The following TMEM231 variants were observed in gnomAD, a reference collection of about 807,000 sequenced individuals.
The protein encoded by TMEM231 is transmembrane protein 231.
A neutral mutation model predicts 38.5 loss-of-function variants in TMEM231; 40 were observed. That is an observed-to-expected ratio of 1.04 (90% CI 0.81 to 1.35). TMEM231 has a LOEUF of 1.35. Among genes scored for constraint, TMEM231 ranks in the 40% most tolerant of loss-of-function variants. The pLI, the probability that TMEM231 is intolerant of heterozygous loss-of-function variation, is 0.00. For missense variants in TMEM231, 420 were observed against 416.9 expected, an observed-to-expected ratio of 1.01 and a Z score of -0.07; for synonymous variants, 199 against 181.7, an observed-to-expected ratio of 1.10 and a Z score of -0.77.
chr16:75,545,270 A>C, intron 4 of TMEM231, 82 bp downstream of exon 4: 2 of 1,537,152 alleles, frequency 1.3e-6, no homozygotes, highest in Non-Finnish European at 1.8e-6. Context: ...TGACATTTCT[A>C]CTTTTCATTC....
At chr16:75,550,272 A>G (rs2080743119) in intron 2 of TMEM231, among the ~76,000 whole-genome samples, 1 of 152,228 alleles carries the variant, frequency 6.6e-6, no homozygotes, top group African/African-American at 2.4e-5. Context: ...AGCATGCACT[A>G]GAGGGAACCT....
chr16:75,554,266 T>C (rs932399888), intron 2 of TMEM231, among the ~76,000 whole-genome samples: 7 of 152,124 alleles, frequency 4.6e-5, no homozygotes, highest in Admixed American at 3.3e-4. Flanking sequence ...ACCTTGTTCA[T>C]TGAAATATTG....
At chr16:75,543,103 G>A (rs1435895450) in intron 4 of TMEM231, among the ~76,000 whole-genome samples, 4 of 151,940 alleles carry the variant, frequency 2.6e-5, no homozygotes, top group African/African-American at 9.7e-5. Flanking sequence ...CCGTATTTTC[G>A]CCAGGTGTGG....
rs199585745 is a variant in TMEM231, at chr16:75,545,314, G to C, written c.582+38C>G. On this transcript the variant is annotated intron_variant, in intron 4 of 6. Transcript: ENST00000258173. ...AAAGAACTTAATGAACAGTAACACAGAGAAACAAAGGAGCTGGACAATGAG... is the reference window on the plus strand; with the variant it reads ...AAAGAACTTAATGAACAGTAACACACAGAAACAAAGGAGCTGGACAATGAG... 5.8e-4 allele frequency: 918 copies of C among 1,593,182 alleles called. 2 individuals carry two copies. The highest frequency in any genetic ancestry group is 1.7e-3 in the Middle Eastern group (10 of 5,870).
chr16:75,540,046 A>G lies in TMEM231; in HGVS notation c.899T>C (p.Ile300Thr), dbSNP rs2151697600. 2 of 1,613,766 alleles carry G rather than the reference A, an allele frequency of 1.2e-6. No homozygotes were observed. Among genetic ancestry groups the G allele is most frequent in the East Asian group, 2.2e-5 (1 of 44,888 alleles). ...FVFQNQVVTT[I>T]PVTVTPRGDL... ...TCCCCGGGGCGTCACTGTCACAGGA[A>G]TGGTGGTCACCACCTGATTCTGAAA... Residue 300 changes from isoleucine to threonine, a missense_variant, in exon 7 of 7, where the codon ATT (isoleucine) becomes ACT (threonine). Coordinates refer to ENST00000258173, the MANE Select transcript of TMEM231 (RefSeq NM_001077418.3).
intron 2 of TMEM231, among the ~76,000 whole-genome samples, chr16:75,551,961 CA>C (rs60964840): frequency 0.17 from 21,647 of 127,126 alleles, 1,615 homozygotes; most frequent in Middle Eastern, 0.27. Context: ...GACTTCATCT[CA>C]AAAAAAAAAA....
Position 75,537,121 on chromosome 16 carries a change from CA to C in TMEM231, c.*2872del, listed in dbSNP as rs35767878. 0.22 allele frequency: 23,511 copies of C among 106,944 alleles called. 3,502 individuals are homozygous for C. The highest frequency in any genetic ancestry group is 0.68 in the East Asian group (2,590 of 3,802). 6.6% of individuals were successfully genotyped at this position (106,944 alleles called of 1,614,324 possible). ...TGGGTAACAGAGTGAGACTCTGTCTCAAAAAAAAAAAAAAAAAAGAAAAAGA... is the reference window on the plus strand; with the variant it reads ...TGGGTAACAGAGTGAGACTCTGTCTCAAAAAAAAAAAAAAAAAGAAAAAGA... On this transcript the variant is annotated 3_prime_UTR_variant, in exon 7 of 7. Coordinates refer to ENST00000258173, the MANE Select transcript of TMEM231 (RefSeq NM_001077418.3).
Position 75,555,915 on chromosome 16 carries a change from C to T in TMEM231, c.198G>A (p.Gln66=). ...GTCCGAGCAGGGCCACGAGCAGCAC[C>T]TGGTGTTGGAAGCGCACGGTCGGCT... ...EEQPTVRFQH[Q]VLLVALLGPE... Residue 66 remains glutamine, a synonymous_variant, in exon 2 of 7, where the codon CAG becomes CAA. Coordinates refer to ENST00000258173, the MANE Select transcript of TMEM231 (RefSeq NM_001077418.3). 6.2e-7 allele frequency: 1 copy of T among 1,603,614 alleles called. No individual in the cohort carries two copies.
intron 5 of TMEM231, 126 bp from the exon 6 acceptor site, chr16:75,541,581 A>T: frequency 1.8e-6 from 1 of 546,252 alleles, no homozygotes; most frequent in Non-Finnish European, 3.1e-6. Flanking sequence ...ATTCGGAAGG[A>T]AAGAGAAATT....
chr16:75,541,219 T>A, intron 6 of TMEM231, 131 bp downstream of exon 6: 1 of 398,448 alleles, frequency 2.5e-6, no homozygotes, highest in South Asian at 6.0e-5. Flanking sequence ...AGGGACTCAC[T>A]ATCTTGGCCA....
At position 75,556,165 on chromosome 16, in the gene TMEM231, G is replaced by A. The variant is rs375077045; in HGVS notation, c.45C>T (p.Tyr15=). ...CGGCTTTGGAGCAGAGCCCCGCGCG[G>A]TAACTGCGCTCGACCGGGTGAGAGA... is the stretch of plus-strand genomic sequence containing the variant. ...ELFSHPVERS[Y]RAGLCSKAAL... is the part of the protein sequence containing the mutation. The change falls in exon 1 of 7, where the codon TAC becomes TAT. Residue 15 remains tyrosine, a synonymous_variant. Coordinates refer to ENST00000258173, the MANE Select transcript of TMEM231 (RefSeq NM_001077418.3). The A allele has an allele frequency of 7.3e-5, 113 of 1,546,642 alleles. No individual in the cohort carries two copies. The highest frequency in any genetic ancestry group is 9.7e-5 in the Admixed American group (5 of 51,408).
intron 2 of TMEM231, 119 bp downstream of exon 2, chr16:75,555,685 G>T: frequency 2.8e-6 from 3 of 1,085,224 alleles, no homozygotes; most frequent in Non-Finnish European, 3.8e-6. Flanking sequence ...GGGTTCGCGA[G>T]TCCTTAGGAT....
rs1483382365 is a variant in TMEM231 at position 75,538,586 on chromosome 16, A to C, written c.*1408T>G. 6.6e-6 allele frequency: 1 copy of C among 152,124 alleles called. No homozygotes were observed. Among genetic ancestry groups the C allele is most frequent in the African/African-American group, 2.4e-5 (1 of 41,396 alleles). 9.4% of individuals were successfully genotyped at this position (152,124 alleles called of 1,614,324 possible). A position where few individuals can be genotyped will look rare whatever the true frequency, so the allele number is the denominator to read the frequency against. Reference sequence around the variant, plus strand: ...ATACTTCAAAATAGCTTTGTTTCCAAAACTGTTTTAGTAAGCCTAAAGGAG... The same window carrying C: ...ATACTTCAAAATAGCTTTGTTTCCACAACTGTTTTAGTAAGCCTAAAGGAG... On this transcript the variant is annotated 3_prime_UTR_variant, in exon 7 of 7. Transcript: ENST00000258173.
intron 4 of TMEM231, 101 bp downstream of exon 4, chr16:75,545,251 C>T (rs904286929): frequency 2.7e-5 from 40 of 1,493,078 alleles, no homozygotes; most frequent in Middle Eastern, 2.5e-4. Context: ...TGAGCCACTG[C>T]GCCTGGCCTG....
At chr16:75,553,989 C>A (rs182261487) in intron 2 of TMEM231, among the ~76,000 whole-genome samples, 308 of 152,274 alleles carry the variant, frequency 2.0e-3, no homozygotes, top group Non-Finnish European at 3.3e-3. Context: ...CTCCCACCAT[C>A]CCCTATCACA....
chr16:75,544,949 CTTTTTT>C (rs71134720), intron 4 of TMEM231, among the ~76,000 whole-genome samples: 16 of 89,624 alleles, frequency 1.8e-4, no homozygotes, highest in South Asian at 3.4e-4. Flanking sequence ...TTTTCTTTTT[CTTTTTT>C]TTTTTTTTTT....
chr16:75,553,268 G>A (rs1300703439), intron 2 of TMEM231, among the ~76,000 whole-genome samples: 2 of 152,118 alleles, frequency 1.3e-5, no homozygotes, highest in Non-Finnish European at 2.9e-5. Flanking sequence ...TTGCAATAAG[G>A]GCTAAGATTT....
intron 4 of TMEM231, among the ~76,000 whole-genome samples, chr16:75,544,904 G>C (rs959827537): frequency 4.0e-5 from 6 of 149,664 alleles, no homozygotes; most frequent in Non-Finnish European, 7.4e-5. Context: ...ACCCTCTTTG[G>C]TGCCACCCAC....
chr16:75,550,431 C>T (rs2080745587), intron 2 of TMEM231, among the ~76,000 whole-genome samples: 1 of 152,206 alleles, frequency 6.6e-6, no homozygotes, highest in Non-Finnish European at 1.5e-5. Context: ...ATGCCTCCTA[C>T]TGGCAGAACC....
Sources: gnomAD v4.1 joint callset for allele counts (sites outside exome capture counted in the v4.1 genomes callset) on GRCh38, gnomAD v4.1.1 for gene constraint, MANE v1.5 for transcripts, NCBI Gene and HGNC (gene_info 2026-07-23, HGNC 2026-07-21) for gene names.